The following GGA2 variants were observed in gnomAD, a reference collection of about 807,000 sequenced individuals.
GGA2 encodes golgi associated, gamma adaptin ear containing, ARF binding protein 2, also known as ADP-ribosylation factor-binding protein GGA2.
In GGA2, 48 loss-of-function variants were observed where a neutral mutation model predicts 79.5. The observed-to-expected ratio is 0.60, with a 90% confidence interval of 0.48 to 0.77. The LOEUF (loss-of-function observed/expected upper bound fraction) is 0.77, where lower values mean the gene tolerates loss of function less well. Ranked by LOEUF, GGA2 falls within the 30% of genes least tolerant of loss-of-function variation. The pLI is 0.00. For missense variants in GGA2, 770 were observed against 774.0 expected, an observed-to-expected ratio of 0.99 and a Z score of 0.06; for synonymous variants, 317 against 302.0, an observed-to-expected ratio of 1.05 and a Z score of -0.51.
At position 23,490,076 on chromosome 16, in the gene GGA2, T is replaced by C. The variant is rs1362707616; in HGVS notation, c.476-1367A>G. ...CTATCCCTCTGACAAGGGATGGCTG[T>C]CTACTGCTACGAGTGGCAAGAACAA... On this transcript the variant is annotated intron_variant, in intron 5 of 16. Coordinates refer to ENST00000309859, the MANE Select transcript of GGA2 (RefSeq NM_015044.4). Among the ~76,000 whole-genome samples the C allele has an allele frequency of 1.1e-4, 17 of 152,298 alleles. 2 individuals are homozygous for C. Among genetic ancestry groups the C allele is most frequent in the Admixed American group, 1.1e-3 (17 of 15,294 alleles).
At chr16:23,510,877 G>A (rs1965041818), upstream of GGA2, among the ~76,000 whole-genome samples, 1 of 149,930 alleles carries the variant, frequency 6.7e-6, no homozygotes, top group African/African-American at 2.5e-5. Flanking sequence ...TGGCGTGTGT[G>A]TGTGTGTGTG....
In GGA2 at chr16:23,510,358, ACCCTGGGCC is replaced by A; in HGVS notation, c.45_53del (p.Ala16_Gly18del). 7.0e-7 allele frequency: 1 copy of A among 1,428,330 alleles called. No homozygotes were observed. Among genetic ancestry groups the A allele is most frequent in the Non-Finnish European group, 9.2e-7 (1 of 1,090,846 alleles). 88.5% of individuals were successfully genotyped at this position (1,428,330 alleles called of 1,614,324 possible). ...CCAGCGACGCTGCCGGGCCCGGGGG[ACCCTGGGCC>A]GACTCGGTTCCCGCCACAGCCGCCG... is the stretch of plus-strand genomic sequence containing the variant. On this transcript the variant is annotated inframe_deletion, in exon 1 of 17. Transcript: ENST00000309859.
chr16:23,482,931 T>A lies in GGA2; in HGVS notation c.872A>T (p.Asp291Val). 6.2e-7 allele frequency: 1 copy of A among 1,601,872 alleles called. No homozygotes were observed. ...RLASDTTDDD[D>V]ALAEILQAND... ...AAGGAAAGAAAACTTACCGAGTGCA[T>A]CATCGTCATCAGTGGTGTCACTCGC... The change falls in exon 9 of 17, where the codon GAT becomes GTT. Residue 291 changes from aspartate (D) to valine (V), a missense_variant. Physicochemically the swap from Asp to Val is radical, Grantham distance 152. Transcript: ENST00000309859.
rs1283687699 is a variant in GGA2, at chr16:23,510,307, G to A, written c.91+14C>T. ...GGCGCAGCGGCTGCGCCGAAGGCCTGCCAGGCTACTCACTGAGCCACAGCT... is the reference window on the plus strand; with the variant it reads ...GGCGCAGCGGCTGCGCCGAAGGCCTACCAGGCTACTCACTGAGCCACAGCT... On this transcript the variant is annotated intron_variant, in intron 1 of 16. Transcript: ENST00000309859. 2 of 1,418,810 alleles carry A rather than the reference G, an allele frequency of 1.4e-6. No homozygotes were observed. Among genetic ancestry groups the A allele is most frequent in the Non-Finnish European group, 1.9e-6 (2 of 1,079,960 alleles). The allele number at this position is 1,418,810 out of a possible 1,614,324, so 87.9% of individuals were successfully genotyped here.
At position 23,491,547 on chromosome 16, in the gene GGA2, A is replaced by C. The variant is rs576378234; in HGVS notation, c.475+130T>G. On this transcript the variant is annotated intron_variant, in intron 5 of 16. Transcript: ENST00000309859. Reference sequence around the variant, plus strand: ...TTATTGCGTAAAAAAAAAAAAAAAAAACTCTACCTCAGTGTCTATGGTCCT... The same window carrying C: ...TTATTGCGTAAAAAAAAAAAAAAAACACTCTACCTCAGTGTCTATGGTCCT... 816 of 575,608 alleles carry C rather than the reference A, an allele frequency of 1.4e-3. 4 individuals carry two copies. In the African/African-American group the frequency reaches 0.014, roughly 10 times the overall value. 35.7% of individuals were successfully genotyped at this position (575,608 alleles called of 1,614,324 possible). A position where few individuals can be genotyped will look rare whatever the true frequency, so the allele number is the denominator to read the frequency against.
intron 14 of GGA2, among the ~76,000 whole-genome samples, chr16:23,473,933 T>G (rs1964545853): frequency 6.6e-6 from 1 of 152,194 alleles, no homozygotes; most frequent in Non-Finnish European, 1.5e-5. Flanking sequence ...CTGCCTGGCT[T>G]TCAGGGCTCT....
At chr16:23,499,219 G>A (rs1303174791) in intron 1 of GGA2, among the ~76,000 whole-genome samples, 6 of 148,938 alleles carry the variant, frequency 4.0e-5, no homozygotes, top group Non-Finnish European at 5.9e-5. Context: ...ATCTCGGCTC[G>A]CTGCAACCTC....
chr16:23,503,680 T>C (rs1191203039), intron 1 of GGA2, among the ~76,000 whole-genome samples: 2 of 152,248 alleles, frequency 1.3e-5, no homozygotes, highest in Non-Finnish European at 2.9e-5. Context: ...CTTCGTGCCC[T>C]GCACTTTAGC....
chr16:23,493,491 G>C (rs1345526825), intron 3 of GGA2, 33 bp from the exon 4 acceptor site: 9 of 1,362,428 alleles, frequency 6.6e-6, no homozygotes, highest in African/African-American at 1.4e-5. Flanking sequence ...GGAGAAGGTG[G>C]AAAGCCAGTG....
intron 14 of GGA2, among the ~76,000 whole-genome samples, chr16:23,472,242 G>A (rs1964520791): frequency 7.3e-6 from 1 of 137,108 alleles, no homozygotes; most frequent in African/African-American, 2.7e-5. Flanking sequence ...CACCCAGGCT[G>A]GAGTGCAGTG....
At chr16:23,483,589 CAG>C in intron 8 of GGA2, among the ~76,000 whole-genome samples, 1 of 152,154 alleles carries the variant, frequency 6.6e-6, no homozygotes, top group Non-Finnish European at 1.5e-5. Flanking sequence ...GGGAGACCAA[CAG>C]CATGGCTGCC....
At chr16:23,493,719 C>T (rs910509249) in intron 3 of GGA2, 3 of 430,904 alleles carry the variant, frequency 7.0e-6, no homozygotes, top group Non-Finnish European at 1.3e-5. Context: ...GGTCACCCCA[C>T]CTTTTAAGGA....
chr16:23,494,349 T>C lies in GGA2; in HGVS notation c.206A>G (p.His69Arg), dbSNP rs781211448. Residue 69 changes from histidine to arginine, a missense_variant, in exon 3 of 17, where the codon CAC (histidine) becomes CGC (arginine). His to Arg is a conservative substitution (Grantham distance 29). Transcript: ENST00000309859. ...GPTHAPWLLA[H>R]KIQSPQEKEA... ...CTTCTCTTGCGGAGACTGGATCTTG[T>C]GGGCCAGTAGCCAGGGCGCATGTGT... 2.5e-6 allele frequency: 4 copies of C among 1,613,064 alleles called. No homozygotes were observed. The highest frequency in any genetic ancestry group is 1.7e-6 in the Non-Finnish European group (2 of 1,178,988).
At chr16:23,498,488 G>A (rs1196578057) in intron 1 of GGA2, among the ~76,000 whole-genome samples, 1 of 152,128 alleles carries the variant, frequency 6.6e-6, no homozygotes, top group Non-Finnish European at 1.5e-5. Context: ...CAGCACTTTG[G>A]AGGCCAAGGT....
intron 14 of GGA2, among the ~76,000 whole-genome samples, chr16:23,472,871 A>G (rs563339197): frequency 1.3e-5 from 2 of 151,904 alleles, no homozygotes; most frequent in South Asian, 4.2e-4. Flanking sequence ...TGTCTCTACT[A>G]AAAATACAAA....
rs763648966 is a variant in GGA2 at position 23,494,393 on chromosome 16, A to G, written c.177-15T>C. ...CATGTGTGGGGCTACAGGGAAACAAAAAGACCTAGACTCTGGGCGGGCAAA... is the reference window on the plus strand; with the variant it reads ...CATGTGTGGGGCTACAGGGAAACAAGAAGACCTAGACTCTGGGCGGGCAAA... On this transcript the variant is annotated splice_polypyrimidine_tract_variant and intron_variant, in intron 2 of 16. Coordinates refer to ENST00000309859, the MANE Select transcript of GGA2 (RefSeq NM_015044.4). 1.9e-6 allele frequency: 3 copies of G among 1,571,334 alleles called. No homozygotes were observed. The highest frequency in any genetic ancestry group is 2.6e-6 in the Non-Finnish European group (3 of 1,140,910).
upstream of GGA2, chr16:23,523,155 GC>G (rs1965168079): frequency 6.6e-6 from 1 of 152,294 alleles, no homozygotes; most frequent in South Asian, 2.1e-4. Flanking sequence ...ATAGAAGAAG[GC>G]AGGGATGGTT....
intron 14 of GGA2, among the ~76,000 whole-genome samples, chr16:23,471,510 C>T (rs1454267707): frequency 6.6e-6 from 1 of 152,004 alleles, no homozygotes; most frequent in Non-Finnish European, 1.5e-5. Context: ...TGTAACATAA[C>T]ATATCCTTCA....
intron 13 of GGA2, 85 bp from the exon 14 acceptor site, chr16:23,475,146 A>G: frequency 2.6e-6 from 2 of 762,400 alleles, no homozygotes; most frequent in South Asian, 3.5e-5. Context: ...AAGAACAAGG[A>G]AAAAATAACA....
Sources: gnomAD v4.1 joint callset for allele counts (sites outside exome capture counted in the v4.1 genomes callset) on GRCh38, gnomAD v4.1.1 for gene constraint, MANE v1.5 for transcripts, NCBI Gene and HGNC (gene_info 2026-07-23, HGNC 2026-07-21) for gene names.